Variants in GNAQ observed in about 807,000 individuals in gnomAD.
GNAQ encodes G protein subunit alpha q.
GNAQ carries 8 observed loss-of-function variants against 43.9 expected under a neutral mutation model. That is an observed-to-expected ratio of 0.18 (90% CI 0.11 to 0.33). The LOEUF is 0.33. Among genes scored for constraint, GNAQ ranks in the 10% least tolerant of loss-of-function variants. The pLI is 1.00. For synonymous variants in GNAQ, 155 were observed against 170.7 expected (o/e 0.91, Z 0.71); for missense variants, 158 against 450.8 (o/e 0.35, Z 5.88).
At chr9:77,823,105 A>G (rs931935508) in intron 2 of GNAQ, among the ~76,000 whole-genome samples, 1 of 151,876 alleles carries the variant, frequency 6.6e-6, no homozygotes, top group African/African-American at 2.4e-5. Context: ...ACGCCCGGCT[A>G]ATTTTTTGTA....
At chr9:78,030,492 G>A (rs780172646) in intron 1 of GNAQ, 8 of 470,424 alleles carry the variant, frequency 1.7e-5, no homozygotes, top group Non-Finnish European at 3.1e-5. Context: ...TTCCTTGGAG[G>A]GCCAACCACT....
chr9:77,900,315 G>A lies in GNAQ; in HGVS notation c.321+21846C>T, dbSNP rs147475437. ...AAAGATCCTTCTGTCACTCCATCAG[G>A]AGACACTAAGATATTTTACTGCAAT... On this transcript the variant is annotated intron_variant, in intron 2 of 6. Coordinates refer to ENST00000286548, the MANE Select transcript of GNAQ (RefSeq NM_002072.5). Among the ~76,000 whole-genome samples, 49 of 152,266 alleles carry A rather than the reference G, an allele frequency of 3.2e-4. No homozygotes were observed. The South Asian group carries it at 3.7e-3, about 12-fold the overall frequency.
chr9:78,021,333 T>A (rs1823906524), intron 1 of GNAQ, among the ~76,000 whole-genome samples: 1 of 152,054 alleles, frequency 6.6e-6, no homozygotes, highest in Non-Finnish European at 1.5e-5. Flanking sequence ...GCAAAGCTGA[T>A]TTCTTAAGGT....
At chr9:77,931,397 C>T (rs1455706742) in intron 1 of GNAQ, among the ~76,000 whole-genome samples, 1 of 151,974 alleles carries the variant, frequency 6.6e-6, no homozygotes, top group Non-Finnish European at 1.5e-5. Flanking sequence ...TCGAGACCAT[C>T]CTGGTTAACA....
At chr9:77,797,788 G>A (rs138264909) in intron 3 of GNAQ, 140 bp from the exon 4 acceptor site, 4 of 689,826 alleles carry the variant, frequency 5.8e-6, no homozygotes, top group African/African-American at 5.4e-5. Flanking sequence ...AGAGGAGTCT[G>A]TGGAAAAGAA....
intron 2 of GNAQ, among the ~76,000 whole-genome samples, chr9:77,851,076 A>T (rs2117923964): frequency 6.6e-6 from 1 of 152,310 alleles, no homozygotes; most frequent in South Asian, 2.1e-4. Context: ...GGTGTGTCTA[A>T]TTTCATATCC....
chr9:77,728,452 A>G (rs1303024680), intron 6 of GNAQ, 62 bp downstream of exon 6: 1 of 1,189,096 alleles, frequency 8.4e-7, no homozygotes, highest in African/African-American at 1.5e-5. Flanking sequence ...TAACTCCCAC[A>G]CTGGGGTTTG....
chr9:77,846,868 A>C (rs1172024275), intron 2 of GNAQ, among the ~76,000 whole-genome samples: 1 of 152,216 alleles, frequency 6.6e-6, no homozygotes, highest in Admixed American at 6.5e-5. Context: ...AAATATGATT[A>C]TCTCACATTA....
intron 2 of GNAQ, among the ~76,000 whole-genome samples, chr9:77,853,086 G>A (rs1316770239): frequency 6.6e-6 from 1 of 151,972 alleles, no homozygotes; most frequent in African/African-American, 2.4e-5. Flanking sequence ...GATAAAAGTG[G>A]GTAAGAATTG....
At chr9:77,932,663 G>A (rs143087003) in intron 1 of GNAQ, among the ~76,000 whole-genome samples, 10 of 152,202 alleles carry the variant, frequency 6.6e-5, no homozygotes, top group Non-Finnish European at 1.0e-4. Context: ...GGATGGCAGA[G>A]GTAGGAGGCA....
intron 1 of GNAQ, among the ~76,000 whole-genome samples, chr9:77,988,811 T>C (rs1041287423): frequency 2.0e-5 from 3 of 152,232 alleles, no homozygotes; most frequent in Admixed American, 1.3e-4. Flanking sequence ...CCACAGGAAG[T>C]ACCCTCTTCA....
chr9:77,979,147 GGA>G (rs1420387805), intron 1 of GNAQ, among the ~76,000 whole-genome samples: 2 of 151,806 alleles, frequency 1.3e-5, no homozygotes, highest in Admixed American at 6.6e-5. Context: ...CCTGAGGCCA[GGA>G]GTTCAAGACC....
chr9:78,021,728 C>T (rs1344256151), intron 1 of GNAQ, among the ~76,000 whole-genome samples: 2 of 152,116 alleles, frequency 1.3e-5, no homozygotes, highest in African/African-American at 4.8e-5. Flanking sequence ...TATTTGCAGG[C>T]AAAGGGAAAG....
At chr9:77,986,967 A>AC (rs1451097294) in intron 1 of GNAQ, among the ~76,000 whole-genome samples, 2 of 152,280 alleles carry the variant, frequency 1.3e-5, no homozygotes, top group Non-Finnish European at 2.9e-5. Flanking sequence ...AATGCTTAGC[A>AC]CAGCACCTGC....
chr9:78,016,988 A>G (rs1003663330), intron 1 of GNAQ, among the ~76,000 whole-genome samples: 1 of 152,124 alleles, frequency 6.6e-6, no homozygotes, highest in African/African-American at 2.4e-5. Flanking sequence ...GTTATGGACC[A>G]AAACGGCTGA....
At chr9:77,954,733 A>T (rs1019243697) in intron 1 of GNAQ, among the ~76,000 whole-genome samples, 24 of 152,338 alleles carry the variant, frequency 1.6e-4, no homozygotes, top group African/African-American at 5.5e-4. Flanking sequence ...GCACAGGGCT[A>T]TTAAGAGATC....
chr9:77,915,381 T>C (rs907332050), intron 2 of GNAQ, among the ~76,000 whole-genome samples: 8 of 152,178 alleles, frequency 5.3e-5, no homozygotes, highest in African/African-American at 1.9e-4. Context: ...TGACTGTCAC[T>C]CTGAAGTGAC....
chr9:77,795,799 C>T (rs1826648802), intron 4 of GNAQ, among the ~76,000 whole-genome samples: 1 of 152,174 alleles, frequency 6.6e-6, no homozygotes, highest in Non-Finnish European at 1.5e-5. Flanking sequence ...AACTCTGTCA[C>T]ACTGGGCCGT....
intron 5 of GNAQ, among the ~76,000 whole-genome samples, chr9:77,744,001 GCAAGGAAGAAAT>G (rs1299404546): frequency 6.6e-6 from 1 of 152,202 alleles, no homozygotes; most frequent in Non-Finnish European, 1.5e-5. Flanking sequence ...GGATCAGAGT[GCAAGGAAGAAAT>G]CATACATAGT....
Sources: gnomAD v4.1 joint callset for allele counts (sites outside exome capture counted in the v4.1 genomes callset) on GRCh38, gnomAD v4.1.1 for gene constraint, MANE v1.5 for transcripts, NCBI Gene and HGNC (gene_info 2026-07-23, HGNC 2026-07-21) for gene names.